The following PLEKHA7 variants were observed in gnomAD, a reference collection of about 807,000 sequenced individuals.
PLEKHA7 encodes the protein pleckstrin homology domain-containing family A member 7.
A neutral mutation model predicts 170.0 loss-of-function variants in PLEKHA7; 104 were observed. The ratio of observed to expected loss-of-function variants is 0.61; its 90% CI spans 0.52 to 0.72. The LOEUF is 0.72. PLEKHA7 is among the 30% of genes least tolerant of loss of function. The pLI, the probability that PLEKHA7 is intolerant of heterozygous loss-of-function variation, is 0.00. For missense variants in PLEKHA7, 1,615 were observed against 1,671.7 expected, an observed-to-expected ratio of 0.97 and a Z score of 0.59; for synonymous variants, 648 against 660.8, an observed-to-expected ratio of 0.98 and a Z score of 0.30.
chr11:16,822,385 C>T (rs1233815718), intron 10 of PLEKHA7, among the ~76,000 whole-genome samples: 5 of 151,206 alleles, frequency 3.3e-5, no homozygotes, highest in Non-Finnish European at 7.4e-5. Context: ...TCAAGCAGCT[C>T]AGTGGAAAAA....
At chr11:16,809,965 G>T (rs1849250155) in intron 13 of PLEKHA7, among the ~76,000 whole-genome samples, 1 of 59,934 alleles carries the variant, frequency 1.7e-5, no homozygotes, top group Non-Finnish European at 3.6e-5. Context: ...TGTCCCATTA[G>T]GGAACTCCTC....
At chr11:16,979,782 A>G (rs1308354158) in intron 3 of PLEKHA7, among the ~76,000 whole-genome samples, 1 of 152,072 alleles carries the variant, frequency 6.6e-6, no homozygotes, top group Non-Finnish European at 1.5e-5. Flanking sequence ...CTTGAGTCGC[A>G]GCAATTCTCT....
chr11:16,802,433 C>A (rs1213422459), intron 15 of PLEKHA7, among the ~76,000 whole-genome samples: 1 of 152,194 alleles, frequency 6.6e-6, no homozygotes, highest in Non-Finnish European at 1.5e-5. Context: ...AGTGGAGCTC[C>A]TCTCCCAGGC....
At chr11:16,921,113 C>T (rs1325058087) in intron 3 of PLEKHA7, among the ~76,000 whole-genome samples, 2 of 152,094 alleles carry the variant, frequency 1.3e-5, no homozygotes, top group Admixed American at 6.6e-5. Context: ...TGTTGTTGTT[C>T]CTTTTACATT....
chr11:17,014,360 A>G lies in PLEKHA7; in HGVS notation c.42T>C (p.His14=), dbSNP rs1274639009. Residue 14 remains histidine (H), a synonymous_variant, in exon 1 of 27, where the codon CAT becomes CAC. Coordinates refer to ENST00000531066, the MANE Select transcript of PLEKHA7 (RefSeq NM_001329630.2). ...CATCCCGGCACACCCCGTAGGACCA[A>G]TGCTCAGGTAAAGTGTCCCGCCCGA... ...ATVGRDTLPE[H]WSYGVCRDGR... is the part of the protein sequence containing the mutation. The G allele has an allele frequency of 7.1e-7, 1 of 1,415,580 alleles. No individual in the cohort carries two copies. Among genetic ancestry groups the G allele is most frequent in the Non-Finnish European group, 9.3e-7 (1 of 1,075,582 alleles). 87.7% of individuals were successfully genotyped at this position (1,415,580 alleles called of 1,614,324 possible).
intron 9 of PLEKHA7, among the ~76,000 whole-genome samples, chr11:16,829,323 C>A (rs1454482696): frequency 2.0e-5 from 3 of 152,078 alleles, no homozygotes; most frequent in Non-Finnish European, 4.4e-5. Context: ...GGCCTAAATT[C>A]CCTTTTTCAG....
chr11:16,914,561 C>A (rs186008836), intron 3 of PLEKHA7, among the ~76,000 whole-genome samples: 16 of 152,324 alleles, frequency 1.1e-4, no homozygotes, highest in Non-Finnish European at 1.8e-4. Context: ...CATTCTATGG[C>A]CAGACCTTCC....
At chr11:16,782,920 C>G (rs1020644751) in intron 25 of PLEKHA7, 24 bp from the exon 26 acceptor site, 1 of 1,533,674 alleles carries the variant, frequency 6.5e-7, no homozygotes, top group Admixed American at 2.0e-5. Context: ...GGAAGCAGAC[C>G]ATGGGCCCTC....
intron 3 of PLEKHA7, among the ~76,000 whole-genome samples, chr11:16,935,318 A>G (rs1295138795): frequency 6.6e-6 from 1 of 152,242 alleles, no homozygotes; most frequent in Non-Finnish European, 1.5e-5. Context: ...CTGTAATCCC[A>G]GCTACTCGGG....
intron 3 of PLEKHA7, among the ~76,000 whole-genome samples, chr11:16,950,153 G>C (rs1861312531): frequency 6.6e-6 from 1 of 152,040 alleles, no homozygotes; most frequent in Admixed American, 6.5e-5. Context: ...ACAGAGCGCT[G>C]AGAACCATTT....
At chr11:16,786,528 A>G in intron 23 of PLEKHA7, 141 bp from the exon 24 acceptor site, 2 of 1,465,374 alleles carry the variant, frequency 1.4e-6, no homozygotes, top group Non-Finnish European at 1.8e-6. Context: ...TAGAGAATGA[A>G]GCTGCTGTCC....
At chr11:16,949,416 AG>A (rs1861264881) in intron 3 of PLEKHA7, among the ~76,000 whole-genome samples, 1 of 152,200 alleles carries the variant, frequency 6.6e-6, no homozygotes, top group Non-Finnish European at 1.5e-5. Flanking sequence ...CAACATGGGG[AG>A]GGAGCGGTGT....
chr11:16,813,374 T>C (rs965124908), intron 12 of PLEKHA7: 2 of 459,542 alleles, frequency 4.4e-6, no homozygotes, highest in South Asian at 2.8e-5. Flanking sequence ...CAGGTCACTG[T>C]GGGGAAAGTC....
chr11:17,013,948 C>CG, intron 3 of PLEKHA7, 41 bp downstream of exon 3: 1 of 1,507,114 alleles, frequency 6.6e-7, no homozygotes, highest in Non-Finnish European at 8.8e-7. Context: ...GGACCCCCCC[C>CG]CCGCGGCACA....
chr11:16,938,799 TA>T (rs536091495), intron 3 of PLEKHA7, among the ~76,000 whole-genome samples: 1 of 152,176 alleles, frequency 6.6e-6, no homozygotes, highest in Admixed American at 6.6e-5. Flanking sequence ...CCATTTCTTG[TA>T]AAAAACAACA....
intron 17 of PLEKHA7, among the ~76,000 whole-genome samples, chr11:16,796,834 CT>C (rs965385333): frequency 6.6e-6 from 1 of 151,858 alleles, no homozygotes; most frequent in African/African-American, 2.4e-5. Flanking sequence ...TTTTCTTTTT[CT>C]TTTTCAGTTT....
At chr11:16,797,375 C>A (rs1037106116) in intron 17 of PLEKHA7, among the ~76,000 whole-genome samples, 1 of 152,214 alleles carries the variant, frequency 6.6e-6, no homozygotes, top group Admixed American at 6.5e-5. Context: ...TGGAAGAGTT[C>A]TTGCACTGCA....
rs956291174 is a variant in PLEKHA7, at chr11:16,916,894, G to A, written c.222-45712C>T. 2.0e-5 allele frequency among the ~76,000 whole-genome samples: 3 copies of A among 152,164 alleles called. No homozygotes were observed. The East Asian group carries it at 5.8e-4, about 29-fold the overall frequency. On this transcript the variant is annotated intron_variant, in intron 3 of 26. Coordinates refer to ENST00000531066, the MANE Select transcript of PLEKHA7 (RefSeq NM_001329630.2). ...GGTCCCACAGAATCCTGGATTAATAGCCCTATTCGGACACTACCACTATTA... is the reference window on the plus strand; with the variant it reads ...GGTCCCACAGAATCCTGGATTAATAACCCTATTCGGACACTACCACTATTA...
chr11:16,978,403 G>C (rs1863201766), intron 3 of PLEKHA7, among the ~76,000 whole-genome samples: 2 of 152,192 alleles, frequency 1.3e-5, no homozygotes, highest in African/African-American at 4.8e-5. Context: ...TAACAAGAGA[G>C]AGAAAGTCAA....
Sources: allele counts gnomAD v4.1 joint callset (sites outside exome capture counted in the v4.1 genomes callset), GRCh38; gene constraint gnomAD v4.1.1; transcripts MANE v1.5; gene names NCBI Gene and HGNC (gene_info 2026-07-23, HGNC 2026-07-21).